GPATCH1: variants seen among roughly 807,000 people sequenced by gnomAD.
GPATCH1 encodes G patch domain-containing protein 1.
GPATCH1 carries 73 observed loss-of-function variants against 114.9 expected under a neutral mutation model. The observed-to-expected ratio is 0.64, with a 90% CI of 0.53 to 0.77. GPATCH1 has a LOEUF of 0.77. Ranked by LOEUF, GPATCH1 falls within the 30% of genes least tolerant of loss-of-function variation. The pLI, the probability that GPATCH1 is intolerant of heterozygous loss-of-function variation, is 0.00. For synonymous variants in GPATCH1, 391 were observed against 428.4 expected, an observed-to-expected ratio of 0.91 and a Z score of 1.08; for missense variants, 1,058 against 1,144.3, an observed-to-expected ratio of 0.92 and a Z score of 1.09.
intron 16 of GPATCH1, 70 bp downstream of exon 16, chr19:33,118,111 TTACTC>T (rs1972937211): frequency 3.1e-6 from 3 of 980,222 alleles, no homozygotes; most frequent in Middle Eastern, 2.1e-4. Flanking sequence ...GCTTCTCTGT[TTACTC>T]TATAATCTTA....
At chr19:33,120,907 G>A (rs1026996195) in intron 17 of GPATCH1, among the ~76,000 whole-genome samples, 1 of 151,134 alleles carries the variant, frequency 6.6e-6, no homozygotes, top group African/African-American at 2.4e-5. Flanking sequence ...GAAGAAGGGC[G>A]TGAACCTGGG....
chr19:33,094,081 A>G, intron 4 of GPATCH1, 91 bp from the exon 5 acceptor site: 1 of 751,972 alleles, frequency 1.3e-6, no homozygotes, highest in South Asian at 1.5e-5. Flanking sequence ...AGACAGGCCT[A>G]GGAACTGAGC....
chr19:33,096,550 TAATCCTCAAGTGG>T, intron 7 of GPATCH1, 104 bp downstream of exon 7: 1 of 941,994 alleles, frequency 1.1e-6, no homozygotes, highest in Non-Finnish European at 1.6e-6. Context: ...TTTTTCCCCC[TAATCCTCAAGTGG>T]AATCAGGTCA....
chr19:33,099,873 C>G (rs1444559652), intron 8 of GPATCH1, among the ~76,000 whole-genome samples: 2 of 151,000 alleles, frequency 1.3e-5, no homozygotes, highest in African/African-American at 2.4e-5. Flanking sequence ...CGGGTTCAAG[C>G]AATTCTCCTG....
intron 4 of GPATCH1, 138 bp downstream of exon 4, chr19:33,093,657 CG>C: frequency 1.3e-6 from 1 of 787,982 alleles, no homozygotes; most frequent in Non-Finnish European, 2.1e-6. Context: ...GGGGGTTTTG[CG>C]TAAAGGATCT....
intron 1 of GPATCH1, 25 bp downstream of exon 1, chr19:33,081,291 G>C: frequency 1.3e-6 from 2 of 1,544,920 alleles, no homozygotes; most frequent in Non-Finnish European, 1.8e-6. Context: ...GGCCGGCGGA[G>C]CCTGTGGAAA....
Position 33,110,017 on chromosome 19 carries a change from G to A in GPATCH1, c.1585+1G>A. On this transcript the variant is annotated splice_donor_variant, in intron 11 of 19. Transcript: ENST00000170564. LOFTEE classifies it high-confidence loss of function. Reference sequence around the variant, plus strand: ...GTACACATGAAACAGGGTCAGAAAGGTGGGTGCTGGGCCTGGGTGTCCCAA... The same window carrying A: ...GTACACATGAAACAGGGTCAGAAAGATGGGTGCTGGGCCTGGGTGTCCCAA... The A allele has an allele frequency of 6.2e-7, 1 of 1,600,520 alleles. No homozygotes were observed. Among genetic ancestry groups the A allele is most frequent in the Non-Finnish European group, 8.5e-7 (1 of 1,171,784 alleles).
Position 33,112,846 on chromosome 19 carries a change from C to T in GPATCH1, c.1892+233C>T, listed in dbSNP as rs542109388. On this transcript the variant is annotated intron_variant, in intron 13 of 19. Coordinates refer to ENST00000170564, the MANE Select transcript of GPATCH1 (RefSeq NM_018025.3). ...TATTCCATATTGAAGCTATGAAACT[C>T]AGATATGTCAAGTTACAAAAGCATT... 3 of 367,338 alleles carry T rather than the reference C, an allele frequency of 8.2e-6. No homozygotes were observed. In the South Asian group the frequency reaches 1.8e-4, roughly 22 times the overall value. 22.8% of individuals were successfully genotyped at this position (367,338 alleles called of 1,614,324 possible). A position where few individuals can be genotyped will look rare whatever the true frequency, so the allele number is the denominator to read the frequency against.
chr19:33,121,780 G>A (rs987606867), intron 17 of GPATCH1, among the ~76,000 whole-genome samples: 5 of 152,018 alleles, frequency 3.3e-5, no homozygotes, highest in African/African-American at 1.2e-4. Flanking sequence ...ATTTACACTG[G>A]TTTATCATCT....
chr19:33,128,758 G>C (rs1036256171), intron 19 of GPATCH1, among the ~76,000 whole-genome samples: 25 of 152,204 alleles, frequency 1.6e-4, no homozygotes, highest in African/African-American at 6.0e-4. Flanking sequence ...TCCTTCAGAT[G>C]ATGGTAGGCA....
chr19:33,119,168 C>T lies in GPATCH1; in HGVS notation c.2521+51C>T, dbSNP rs916827883. ...CCATTTTTATCAGTGTGTGATTGCCCTGAGATGGGGACAGTGTGACTTAGA... is the reference window on the plus strand; with the variant it reads ...CCATTTTTATCAGTGTGTGATTGCCTTGAGATGGGGACAGTGTGACTTAGA... On this transcript the variant is annotated intron_variant, in intron 17 of 19. Transcript: ENST00000170564. The T allele has an allele frequency of 3.1e-6, 3 of 976,458 alleles. No homozygotes were observed. The Admixed American group carries it at 6.5e-5, about 21-fold the overall frequency. 60.5% of individuals were successfully genotyped at this position (976,458 alleles called of 1,614,324 possible).
At chr19:33,126,543 G>GA (rs763395796) in intron 18 of GPATCH1, 45 bp from the exon 19 acceptor site, 2 of 1,605,802 alleles carry the variant, frequency 1.2e-6, no homozygotes, top group Non-Finnish European at 1.7e-6. Flanking sequence ...AATTAAGGAG[G>GA]AAAAAATACA....
At chr19:33,083,458 G>A (rs113564744) in intron 1 of GPATCH1, among the ~76,000 whole-genome samples, 1 of 149,610 alleles carries the variant, frequency 6.7e-6, no homozygotes, top group East Asian at 2.1e-4. Context: ...GCAGTGGCGC[G>A]ATCTCGGCTC....
At chr19:33,111,307 G>A (rs902704066) in intron 11 of GPATCH1, among the ~76,000 whole-genome samples, 4 of 150,856 alleles carry the variant, frequency 2.7e-5, no homozygotes, top group African/African-American at 9.7e-5. Flanking sequence ...TGGTGTGAAC[G>A]TGGGAGGCGG....
chr19:33,087,516 A>G (rs1972545300), intron 1 of GPATCH1, among the ~76,000 whole-genome samples: 1 of 152,054 alleles, frequency 6.6e-6, no homozygotes, highest in Non-Finnish European at 1.5e-5. Flanking sequence ...GGAGTCGGGG[A>G]AAATAGGCAA....
intron 10 of GPATCH1, 99 bp from the exon 11 acceptor site, chr19:33,109,618 A>G (rs2145325637): frequency 2.9e-6 from 2 of 681,838 alleles, no homozygotes; most frequent in East Asian, 2.9e-5. Flanking sequence ...CTCATCCCCA[A>G]TTATGTAAAT....
intron 17 of GPATCH1, among the ~76,000 whole-genome samples, chr19:33,121,585 C>T (rs1053351704): frequency 7.2e-5 from 11 of 152,046 alleles, no homozygotes; most frequent in African/African-American, 2.2e-4. Flanking sequence ...TCCCAATGTG[C>T]TGGGATTTTA....
At chr19:33,094,030 T>C in intron 4 of GPATCH1, 142 bp from the exon 5 acceptor site, 1 of 613,684 alleles carries the variant, frequency 1.6e-6, no homozygotes, top group South Asian at 1.9e-5. Context: ...AATGGCAGGG[T>C]CACGCCAGAT....
In GPATCH1 at chr19:33,094,248, C is replaced by T. The variant is rs372827140; in HGVS notation, c.532C>T (p.Arg178Trp). ...GQGVGPRVKR[R>W]PRRQKPDPGV... ...AGGAGTTGGTCCTCGAGTAAAGAGA[C>T]GGCCACGCCGACAGAAACCTGGTGT... is the stretch of plus-strand genomic sequence containing the variant. Residue 178 changes from arginine to tryptophan, a missense_variant, in exon 5 of 20, where the codon CGG becomes TGG. Coordinates refer to ENST00000170564, the MANE Select transcript of GPATCH1 (RefSeq NM_018025.3). The T allele has an allele frequency of 1.8e-5, 28 of 1,594,694 alleles. No homozygotes were observed. The highest frequency in any genetic ancestry group is 1.5e-4 in the African/African-American group (11 of 74,402).
Sources: gnomAD v4.1 joint callset for allele counts (sites outside exome capture counted in the v4.1 genomes callset) on GRCh38, gnomAD v4.1.1 for gene constraint, MANE v1.5 for transcripts, NCBI Gene and HGNC (gene_info 2026-07-23, HGNC 2026-07-21) for gene names.